The following ZNF407 variants were observed in gnomAD, a reference collection of about 807,000 sequenced individuals.
ZNF407 encodes zinc finger protein 407.
ZNF407 carries 17 observed loss-of-function variants against 131.2 expected under a neutral mutation model. That is an observed-to-expected ratio of 0.13 (90% confidence interval 0.09 to 0.19). The LOEUF is 0.19. ZNF407 is among the 10% of genes least tolerant of loss of function. The pLI is 1.00. For missense variants in ZNF407, 2,681 were observed against 2,830.6 expected (o/e 0.95, Z 1.20); for synonymous variants, 1,156 against 1,062.0 (o/e 1.09, Z -1.72).
chr18:74,796,281 C>G (rs1408027489), intron 4 of ZNF407, among the ~76,000 whole-genome samples: 1 of 152,042 alleles, frequency 6.6e-6, no homozygotes, highest in African/African-American at 2.4e-5. Flanking sequence ...TGTTTTATAT[C>G]TTCAGTATAT....
intron 1 of ZNF407, among the ~76,000 whole-genome samples, chr18:74,618,844 T>C (rs1983414575): frequency 1.3e-5 from 2 of 152,336 alleles, no homozygotes; most frequent in African/African-American, 2.4e-5. Flanking sequence ...TTTTTCTCTT[T>C]TCTAAATATA....
chr18:74,737,604 G>A (rs1159038202), intron 3 of ZNF407, among the ~76,000 whole-genome samples: 1 of 152,148 alleles, frequency 6.6e-6, no homozygotes, highest in Non-Finnish European at 1.5e-5. Flanking sequence ...TGCAGTGCAT[G>A]TGTGTGGATA....
intron 8 of ZNF407, among the ~76,000 whole-genome samples, chr18:75,006,946 A>G (rs1265187026): frequency 6.6e-6 from 1 of 152,050 alleles, no homozygotes; most frequent in Non-Finnish European, 1.5e-5. Flanking sequence ...AACTTTATCT[A>G]GAATGCTTTT....
At chr18:74,736,932 G>A (rs1968429075) in intron 3 of ZNF407, among the ~76,000 whole-genome samples, 1 of 152,124 alleles carries the variant, frequency 6.6e-6, no homozygotes, top group Non-Finnish European at 1.5e-5. Context: ...AGAAGTATCA[G>A]CTCCTAATTA....
chr18:74,947,976 T>C (rs552183575), intron 8 of ZNF407, among the ~76,000 whole-genome samples: 1 of 152,202 alleles, frequency 6.6e-6, no homozygotes, highest in East Asian at 1.9e-4. Flanking sequence ...AAAGAGAAAA[T>C]GACTTCAGAG....
rs772107490 is a variant in ZNF407 at position 74,631,375 on chromosome 18, A to G, written c.356A>G (p.Asp119Gly). Residue 119 changes from aspartate (D) to glycine (G), a missense_variant, in exon 2 of 9, where the codon GAC becomes GGC. Coordinates refer to ENST00000299687, the MANE Select transcript of ZNF407 (RefSeq NM_017757.3). ...DETGKETFLS[D>G]CTVGGTCLPN... ...ACAGGGAAGGAGACCTTTCTGAGTGACTGCACAGTTGGAGGCACATGTCTC... is the reference window on the plus strand; with the variant it reads ...ACAGGGAAGGAGACCTTTCTGAGTGGCTGCACAGTTGGAGGCACATGTCTC... 5 of 1,614,006 alleles carry G rather than the reference A, an allele frequency of 3.1e-6. No individual in the cohort carries two copies. The Admixed American group carries it at 8.3e-5, about 27-fold the overall frequency.
intron 1 of ZNF407, among the ~76,000 whole-genome samples, chr18:74,622,072 G>GTT: frequency 6.6e-6 from 1 of 151,068 alleles, no homozygotes; most frequent in East Asian, 1.9e-4. Flanking sequence ...ATGGAAGAGT[G>GTT]TTTTTTTTTC....
At chr18:74,756,767 G>T (rs1968974114) in intron 3 of ZNF407, among the ~76,000 whole-genome samples, 1 of 151,964 alleles carries the variant, frequency 6.6e-6, no homozygotes, top group African/African-American at 2.4e-5. Context: ...TCTTCATTCA[G>T]TTGCTTTACT....
In ZNF407 at chr18:74,877,271, C is replaced by G. The variant is rs776164748; in HGVS notation, c.4952C>G (p.Thr1651Arg). 6.2e-7 allele frequency: 1 copy of G among 1,613,958 alleles called. No homozygotes were observed. Among genetic ancestry groups the G allele is most frequent in the Non-Finnish European group, 8.5e-7 (1 of 1,179,838 alleles). The change falls in exon 5 of 9, where the codon ACG becomes AGG. Residue 1651 changes from threonine (T) to arginine (R), a missense_variant. By Grantham distance (71) the Thr-to-Arg change is moderately conservative. This residue lies in a region of ZNF407 where 213 missense variants were observed against 332.2 expected (regional missense o/e 0.64). Transcript: ENST00000299687. ...CTGAACAACCACATGAAACTCCACA[C>G]GGGAGAAAAGCCGTTTAAATGTACC... is the stretch of plus-strand genomic sequence containing the variant. ...WALNNHMKLH[T>R]GEKPFKCTWP... is the part of the protein sequence containing the mutation.
intron 3 of ZNF407, among the ~76,000 whole-genome samples, chr18:74,762,712 A>G (rs574472958): frequency 6.6e-6 from 1 of 150,796 alleles, no homozygotes; most frequent in Non-Finnish European, 1.5e-5. Flanking sequence ...TTTTTTTTTT[A>G]AAATCATCAT....
At chr18:74,896,149 T>C (rs1293239407) in intron 7 of ZNF407, among the ~76,000 whole-genome samples, 2 of 152,174 alleles carry the variant, frequency 1.3e-5, no homozygotes, top group African/African-American at 4.8e-5. Context: ...AGGGATCCCA[T>C]AAAAATAATC....
rs567966416 is a variant in ZNF407, at chr18:74,742,674, C to T, written c.4803-38754C>T. ...TTTAGAAATTTGTTTGTTCGTTTTG[C>T]TTACTTGTAGAATGTAGCTGCAGTA... On this transcript the variant is annotated intron_variant, in intron 3 of 8. Transcript: ENST00000299687. 2.0e-5 allele frequency among the ~76,000 whole-genome samples: 3 copies of T among 152,152 alleles called. No individual in the cohort carries two copies. In the South Asian group the frequency reaches 6.2e-4, roughly 32 times the overall value.
chr18:74,900,997 C>T (rs1160452807), intron 7 of ZNF407, among the ~76,000 whole-genome samples: 1 of 152,044 alleles, frequency 6.6e-6, no homozygotes, highest in East Asian at 1.9e-4. Context: ...AGGATCCTGG[C>T]GGTGAAGTTA....
At chr18:74,904,612 C>A (rs898308462) in intron 7 of ZNF407, among the ~76,000 whole-genome samples, 1 of 152,170 alleles carries the variant, frequency 6.6e-6, no homozygotes, top group Non-Finnish European at 1.5e-5. Context: ...CCTACCATTT[C>A]TTCCTTGTGA....
At chr18:75,051,367 C>T (rs554889096) in intron 8 of ZNF407, among the ~76,000 whole-genome samples, 61 of 152,242 alleles carry the variant, frequency 4.0e-4, no homozygotes, top group African/African-American at 1.3e-3. Flanking sequence ...TGCTCACTTA[C>T]GGAACCTAAA....
chr18:74,985,573 G>A (rs751422228), intron 8 of ZNF407, among the ~76,000 whole-genome samples: 1 of 152,160 alleles, frequency 6.6e-6, no homozygotes, highest in East Asian at 1.9e-4. Context: ...ACTAATAACC[G>A]ATGTTAAAAT....
chr18:74,750,742 C>A (rs1044501071), intron 3 of ZNF407, among the ~76,000 whole-genome samples: 2 of 152,118 alleles, frequency 1.3e-5, no homozygotes, highest in South Asian at 2.1e-4. Flanking sequence ...AGTAGAATTG[C>A]TGGATCTTGT....
chr18:74,903,768 A>G (rs1197562323), intron 7 of ZNF407, among the ~76,000 whole-genome samples: 1 of 152,246 alleles, frequency 6.6e-6, no homozygotes, highest in Non-Finnish European at 1.5e-5. Flanking sequence ...GAGATTAGTG[A>G]AAGGAAGTGA....
At chr18:74,928,390 AACTG>A (rs1324575793) in intron 8 of ZNF407, among the ~76,000 whole-genome samples, 1 of 152,198 alleles carries the variant, frequency 6.6e-6, no homozygotes, top group African/African-American at 2.4e-5. Flanking sequence ...GCTTCCAGGT[AACTG>A]ACTGCAGAGA....
Sources: allele counts gnomAD v4.1 joint callset (sites outside exome capture counted in the v4.1 genomes callset), GRCh38; gene constraint gnomAD v4.1.1; regional missense constraint gnomAD v4.1.1; transcripts MANE v1.5; gene names NCBI Gene and HGNC (gene_info 2026-07-23, HGNC 2026-07-21).